Variants in SLC44A2 observed in about 807,000 individuals in gnomAD.
The protein encoded by SLC44A2 is solute carrier family 44 member 2 (CTL2 blood group).
SLC44A2 carries 57 observed loss-of-function variants against 90.8 expected under a neutral mutation model. That is an observed-to-expected ratio of 0.63 (90% confidence interval 0.51 to 0.78). SLC44A2 has a LOEUF of 0.78. Among genes scored for constraint, SLC44A2 ranks in the 30% least tolerant of loss-of-function variants. The pLI, the probability that SLC44A2 is intolerant of heterozygous loss-of-function variation, is 0.00. For synonymous variants in SLC44A2, 355 were observed against 360.7 expected (o/e 0.98, Z 0.18); for missense variants, 794 against 919.7 (o/e 0.86, Z 1.77).
Position 10,635,070 on chromosome 19 carries a change from G to A in SLC44A2, c.1052G>A (p.Ser351Asn), listed in dbSNP as rs1168816611. The change falls in exon 12 of 22, where the codon AGC becomes AAC. Residue 351 changes from serine to asparagine, a missense_variant. Ser to Asn is a conservative substitution (Grantham distance 46, BLOSUM62 1). Coordinates refer to ENST00000335757, the MANE Select transcript of SLC44A2 (RefSeq NM_020428.4). Reference sequence around the variant, plus strand: ...GCGATTGCACTCATCAAAGAAGCCAGCAGGTGGGGGGCCAGGGTGCCAGGG... The same window carrying A: ...GCGATTGCACTCATCAAAGAAGCCAACAGGTGGGGGGCCAGGGTGCCAGGG... ...LIAIALIKEA[S>N]RAVGYVMCSL... 1 of 1,614,144 alleles carries A rather than the reference G, an allele frequency of 6.2e-7. No homozygotes were observed. The highest frequency in any genetic ancestry group is 8.5e-7 in the Non-Finnish European group (1 of 1,180,034).
chr19:10,625,643 G>C lies in SLC44A2; in HGVS notation c.10G>C (p.Glu4Gln). 8.0e-7 allele frequency: 1 copy of C among 1,248,768 alleles called. No homozygotes were observed. The highest frequency in any genetic ancestry group is 1.0e-6 in the Non-Finnish European group (1 of 991,012). The allele number at this position is 1,248,768 out of a possible 1,614,324, so 77.4% of individuals were successfully genotyped here. Residue 4 changes from glutamate to glutamine, a missense_variant, in exon 1 of 22, where the codon GAG (glutamate) becomes CAG (glutamine). This residue lies in a region of SLC44A2 where 738 missense variants were observed against 841.1 expected (regional missense o/e 0.88). Coordinates refer to ENST00000335757, the MANE Select transcript of SLC44A2 (RefSeq NM_020428.4). ...CTGGTCGCCTGCAGGGATGGGGGACGAGCGGCCCCACTACTACGGGAAACA... is the reference window on the plus strand; with the variant it reads ...CTGGTCGCCTGCAGGGATGGGGGACCAGCGGCCCCACTACTACGGGAAACA... MGD[E>Q]RPHYYGKHGT...
At chr19:10,629,519 C>G (rs139724234) in intron 4 of SLC44A2, among the ~76,000 whole-genome samples, 4,587 of 151,530 alleles carry the variant, frequency 0.03, 77 homozygotes, top group South Asian at 0.08. Context: ...CTCAGGTTAT[C>G]TGCCTGCCTT....
intron 16 of SLC44A2, 123 bp downstream of exon 16, chr19:10,636,879 CTA>C (rs2067062441): frequency 2.9e-6 from 3 of 1,028,906 alleles, no homozygotes; most frequent in South Asian, 1.6e-5. Context: ...GGGTTTCTGT[CTA>C]TGACGGGGTG....
At position 10,625,637 on chromosome 19, in the gene SLC44A2, G is replaced by T. The variant is rs374362783; in HGVS notation, c.4G>T (p.Gly2Trp). 9.8e-4 allele frequency: 1,222 copies of T among 1,248,402 alleles called. 2 individuals are homozygous for T. The highest frequency in any genetic ancestry group is 1.2e-3 in the Non-Finnish European group (1,174 of 991,154). The allele number at this position is 1,248,402 out of a possible 1,614,324, so 77.3% of individuals were successfully genotyped here. M[G>W]DERPHYYGKH... ...CCGGGGCTGGTCGCCTGCAGGGATG[G>T]GGGACGAGCGGCCCCACTACTACGG... The change falls in exon 1 of 22, where the codon GGG (glycine) becomes TGG (tryptophan). Residue 2 changes from glycine to tryptophan, a missense_variant. Transcript: ENST00000335757.
chr19:10,642,187 A>G (rs962343887), intron 20 of SLC44A2, 180 bp from the exon 21 acceptor site: 24 of 590,628 alleles, frequency 4.1e-5, no homozygotes, highest in Non-Finnish European at 6.7e-5. Flanking sequence ...GAGAGAGAGA[A>G]AGAGGATTTT....
At chr19:10,610,704 A>G (rs1918274482) in intron 1 of SLC44A2, among the ~76,000 whole-genome samples, 1 of 111,708 alleles carries the variant, frequency 9.0e-6, no homozygotes. Context: ...CAATGGCGTG[A>G]TCTTGGCTCA....
intron 1 of SLC44A2, 106 bp from the exon 2 acceptor site, chr19:10,626,147 C>CT: frequency 1.1e-6 from 1 of 911,324 alleles, no homozygotes; most frequent in Non-Finnish European, 1.8e-6. Flanking sequence ...GAATTTTATT[C>CT]TTGCCAAGGC....
In SLC44A2 at chr19:10,634,752, G is replaced by C; in HGVS notation, c.824-4G>C. On this transcript the variant is annotated splice_polypyrimidine_tract_variant and splice_region_variant and intron_variant, in intron 10 of 21. Transcript: ENST00000335757. Reference sequence around the variant, plus strand: ...TGGACTGAGCTTGTGGTTCCCCCATGCAGGAATATTTCACTGCTACATGGA... The same window carrying C: ...TGGACTGAGCTTGTGGTTCCCCCATCCAGGAATATTTCACTGCTACATGGA... The C allele has an allele frequency of 6.2e-7, 1 of 1,614,180 alleles. No homozygotes were observed. The highest frequency in any genetic ancestry group is 8.5e-7 in the Non-Finnish European group (1 of 1,180,032).
chr19:10,632,078 T>C lies in SLC44A2; in HGVS notation c.745T>C (p.Phe249Leu). ...CATTGCCATGGCGATGAGCCTCCTG[T>C]TCATCATCCTGCTTCGCTTCCTGGC... ...LVIAMAMSLL[F>L]IILLRFLAGI... The change falls in exon 10 of 22, where the codon TTC becomes CTC. Residue 249 changes from phenylalanine (F) to leucine (L), a missense_variant. Physicochemically the swap from Phe to Leu is conservative, Grantham distance 22. Around this residue, in one of 3 missense-constraint regions of SLC44A2, gnomAD observed 738 missense variants for 841.1 expected, o/e 0.88. Coordinates refer to ENST00000335757, the MANE Select transcript of SLC44A2 (RefSeq NM_020428.4). 6.2e-7 allele frequency: 1 copy of C among 1,614,164 alleles called. No individual in the cohort carries two copies. The highest frequency in any genetic ancestry group is 8.5e-7 in the Non-Finnish European group (1 of 1,180,018).
intron 1 of SLC44A2, among the ~76,000 whole-genome samples, chr19:10,617,195 C>T (rs964701895): frequency 2.6e-5 from 4 of 152,134 alleles, no homozygotes; most frequent in African/African-American, 4.8e-5. Flanking sequence ...GCTAGGATTA[C>T]AGGCATGAGC....
chr19:10,613,311 G>A (rs968474833), intron 1 of SLC44A2, among the ~76,000 whole-genome samples: 4 of 151,200 alleles, frequency 2.6e-5, no homozygotes, highest in South Asian at 2.1e-4. Context: ...GTGCAGTGGC[G>A]CAATCTTGGC....
intron 16 of SLC44A2, chr19:10,637,032 A>G: frequency 2.3e-6 from 1 of 440,986 alleles, no homozygotes; most frequent in Non-Finnish European, 4.1e-6. Flanking sequence ...TTGGAGTGGT[A>G]TATATTTGCG....
Position 10,626,304 on chromosome 19 carries a change from A to G in SLC44A2, c.86+3A>G. On this transcript the variant is annotated splice_donor_region_variant and intron_variant, in intron 2 of 21. Coordinates refer to ENST00000335757, the MANE Select transcript of SLC44A2 (RefSeq NM_020428.4). ...TTCAAAGGACCCATTTACAATAGGT[A>G]AGAGCTCTGGGTTTTGGGGGGTTCT... 1 of 1,608,084 alleles carries G rather than the reference A, an allele frequency of 6.2e-7. No individual in the cohort carries two copies. The highest frequency in any genetic ancestry group is 8.5e-7 in the Non-Finnish European group (1 of 1,174,476).
In SLC44A2 at chr19:10,627,905, T is replaced by C. The variant is rs751837433; in HGVS notation, c.161-15T>C. The C allele has an allele frequency of 3.1e-6, 5 of 1,613,776 alleles. No individual in the cohort carries two copies. The highest frequency in any genetic ancestry group is 4.2e-6 in the Non-Finnish European group (5 of 1,179,762). On this transcript the variant is annotated splice_polypyrimidine_tract_variant and intron_variant, in intron 3 of 21. Transcript: ENST00000335757. Reference sequence around the variant, plus strand: ...AGGAGTGGCAGTGTCTCAGTATCCCTGGATCTTTCCACAGCCTGGACTCAT... The same window carrying C: ...AGGAGTGGCAGTGTCTCAGTATCCCCGGATCTTTCCACAGCCTGGACTCAT...
chr19:10,627,293 C>T (rs1370253076), intron 2 of SLC44A2, among the ~76,000 whole-genome samples: 3 of 151,478 alleles, frequency 2.0e-5, no homozygotes, highest in African/African-American at 7.3e-5. Flanking sequence ...TGCACTCCAG[C>T]CTGGGCGACA....
intron 14 of SLC44A2, chr19:10,635,732 C>G: frequency 2.0e-6 from 1 of 497,138 alleles, no homozygotes; most frequent in South Asian, 2.8e-5. Flanking sequence ...CTTGACCAGG[C>G]CTTCACCCTG....
At position 10,617,128 on chromosome 19, in the gene SLC44A2, G is replaced by A. The variant is rs575527974; in HGVS notation, c.32-9125G>A. On this transcript the variant is annotated intron_variant, in intron 1 of 21. Coordinates refer to the SLC44A2 transcript ENST00000407327. ...GTAGAGACGGGGTTTCATCGTGTTA[G>A]CCAGGATGGTCTTGATCTCCTGACC... Among the ~76,000 whole-genome samples, 326 of 147,960 alleles carry A rather than the reference G, an allele frequency of 2.2e-3. 2 individuals carry two copies. The highest frequency in any genetic ancestry group is 3.6e-3 in the Non-Finnish European group (242 of 67,270).
Position 10,632,259 on chromosome 19 carries a change from G to C in SLC44A2, c.823+103G>C. 4 of 1,035,974 alleles carry C rather than the reference G, an allele frequency of 3.9e-6. No homozygotes were observed. In the South Asian group the frequency reaches 5.4e-5, roughly 14 times the overall value. The allele number at this position is 1,035,974 out of a possible 1,614,324, so 64.2% of individuals were successfully genotyped here. A position where few individuals can be genotyped will look rare whatever the true frequency, so the allele number is the denominator to read the frequency against. On this transcript the variant is annotated intron_variant, in intron 10 of 21. Coordinates refer to ENST00000335757, the MANE Select transcript of SLC44A2 (RefSeq NM_020428.4). The stretch of plus-strand genomic sequence containing the variant: ...CAGGAAAACAAAAAAAAGTCAGGCC[G>C]GGCGTGGTGGCTCACGCCTGTAATC...
At chr19:10,620,094 C>A (rs1011450659) in intron 1 of SLC44A2, among the ~76,000 whole-genome samples, 1 of 151,766 alleles carries the variant, frequency 6.6e-6, no homozygotes, top group Admixed American at 6.6e-5. Flanking sequence ...GAGGATCACT[C>A]GAGCCCAGCA....
Sources: gnomAD v4.1 joint callset for allele counts (sites outside exome capture counted in the v4.1 genomes callset) on GRCh38, gnomAD v4.1.1 for gene constraint, gnomAD v4.1.1 regional missense constraint, MANE v1.5 for transcripts, NCBI Gene and HGNC (gene_info 2026-07-23, HGNC 2026-07-21) for gene names.